The following PTH2R variants were observed in gnomAD, a reference collection of about 807,000 sequenced individuals.
PTH2R encodes parathyroid hormone 2 receptor, also known as PTH2 receptor.
PTH2R carries 59 observed loss-of-function variants against 60.3 expected under a neutral mutation model. The ratio of observed to expected loss-of-function variants is 0.98; its 90% CI spans 0.79 to 1.22. PTH2R has a LOEUF of 1.22. PTH2R is among the 50% of genes most tolerant of loss of function. The probability of loss-of-function intolerance (pLI) is 0.00; values close to 1 mark genes in which losing one functional copy is unlikely to be tolerated. For missense variants in PTH2R, 749 were observed against 682.6 expected (o/e 1.10, Z -1.08); for synonymous variants, 256 against 243.8 (o/e 1.05, Z -0.47).
At chr2:208,396,727 C>T (rs1701216402) in intron 1 of PTH2R, among the ~76,000 whole-genome samples, 1 of 152,146 alleles carries the variant, frequency 6.6e-6, no homozygotes, top group African/African-American at 2.4e-5. Context: ...ATGAGTTCAA[C>T]CATTGTGGAA....
intron 4 of PTH2R, among the ~76,000 whole-genome samples, chr2:208,442,029 T>G (rs1702194803): frequency 6.6e-6 from 1 of 152,212 alleles, no homozygotes. Context: ...AAGTATATAC[T>G]GTAACATGTA....
chr2:208,457,912 G>A lies in PTH2R; in HGVS notation c.915-1983G>A, dbSNP rs141038636. Among the ~76,000 whole-genome samples the A allele has an allele frequency of 1.3e-3, 199 of 152,180 alleles. 1 individual carries two copies. The highest frequency in any genetic ancestry group is 4.5e-3 in the African/African-American group (188 of 41,544). On this transcript the variant is annotated intron_variant, in intron 8 of 12. Transcript: ENST00000272847. Reference sequence around the variant, plus strand: ...TTGCTCATTAATAAAAAGTAAGTTCGTGATAAGTTCATTATCTAGAATTAA... The same window carrying A: ...TTGCTCATTAATAAAAAGTAAGTTCATGATAAGTTCATTATCTAGAATTAA...
Position 208,384,954 on chromosome 2 carries a change from C to T in PTH2R, c.-259+24717C>T, listed in dbSNP as rs534571912. ...CATACACAACAAACTGATTCTGTTT[C>T]AATGCTTAGAATTAGAATAAAAAAG... On this transcript the variant is annotated intron_variant, in intron 1 of 12. Transcript: ENST00000617735. Among the ~76,000 whole-genome samples the T allele has an allele frequency of 1.4e-4, 21 of 152,264 alleles. No homozygotes were observed. The South Asian group carries it at 1.9e-3, about 14-fold the overall frequency.
At chr2:208,369,621 G>T (rs941447295) in intron 1 of PTH2R, among the ~76,000 whole-genome samples, 1 of 152,022 alleles carries the variant, frequency 6.6e-6, no homozygotes, top group Non-Finnish European at 1.5e-5. Flanking sequence ...GCCTCCCAAA[G>T]TGCTGGGATT....
intron 1 of PTH2R, among the ~76,000 whole-genome samples, chr2:208,423,771 T>C (rs1701802042): frequency 6.6e-6 from 1 of 152,192 alleles, no homozygotes; most frequent in Non-Finnish European, 1.5e-5. Context: ...TGCAGCTCTG[T>C]TTTTTTGATG....
chr2:208,378,402 G>A lies in PTH2R; in HGVS notation c.-259+18165G>A, dbSNP rs116482329. Among the ~76,000 whole-genome samples the A allele has an allele frequency of 3.9e-3, 595 of 152,176 alleles. 6 individuals are homozygous for A. Among genetic ancestry groups the A allele is most frequent in the African/African-American group, 0.013 (553 of 41,456 alleles). On this transcript the variant is annotated intron_variant, in intron 1 of 12. Transcript: ENST00000617735. ...GGGAGACTGTGGGGAGAGGGAGAGG[G>A]AGAGAAAAATGCCTCTTTCAATATG...
chr2:208,475,677 T>A (rs1702986062), intron 9 of PTH2R, among the ~76,000 whole-genome samples: 1 of 152,162 alleles, frequency 6.6e-6, no homozygotes, highest in Non-Finnish European at 1.5e-5. Context: ...ACTGACACCT[T>A]GTGGTTTGCA....
chr2:208,397,757 A>G (rs1355087543), intron 1 of PTH2R, among the ~76,000 whole-genome samples: 1 of 152,036 alleles, frequency 6.6e-6, no homozygotes, highest in Non-Finnish European at 1.5e-5. Context: ...TAATATGCAA[A>G]TGAAGGGCAC....
rs990700928 is a variant in PTH2R, at chr2:208,420,358, A to G, written c.76-7843A>G. 3.9e-5 allele frequency among the ~76,000 whole-genome samples: 6 copies of G among 152,128 alleles called. No homozygotes were observed. The East Asian group carries it at 7.7e-4, about 20-fold the overall frequency. On this transcript the variant is annotated intron_variant, in intron 1 of 12. Coordinates refer to ENST00000272847, the MANE Select transcript of PTH2R (RefSeq NM_005048.4). Reference sequence around the variant, plus strand: ...ATTTAGGACTTTTTCAATTTTGCCTATTTCTTCTCCATAGCAGTGGAAACA... The same window carrying G: ...ATTTAGGACTTTTTCAATTTTGCCTGTTTCTTCTCCATAGCAGTGGAAACA...
chr2:208,364,647 C>G (rs935794397), intron 1 of PTH2R, among the ~76,000 whole-genome samples: 6 of 152,026 alleles, frequency 3.9e-5, no homozygotes, highest in Non-Finnish European at 5.9e-5. Context: ...TTGTTTGACT[C>G]TTAGGGCCCT....
chr2:208,432,532 T>C lies in PTH2R; in HGVS notation c.178+4229T>C, dbSNP rs149466803. ...AAGTTCTCCAGAGGAACAGAACTAA[T>C]AGGATATAAGTATATGTGAAAGGGA... On this transcript the variant is annotated intron_variant, in intron 2 of 12. Coordinates refer to ENST00000272847, the MANE Select transcript of PTH2R (RefSeq NM_005048.4). 6.1e-3 allele frequency among the ~76,000 whole-genome samples: 934 copies of C among 152,272 alleles called. 7 individuals carry two copies. The highest frequency in any genetic ancestry group is 0.014 in the Admixed American group (207 of 15,290).
In PTH2R at chr2:208,489,142, T is replaced by C. The variant is rs748579229; in HGVS notation, c.1207T>C (p.Ser403Pro). 9.3e-6 allele frequency: 15 copies of C among 1,613,870 alleles called. No individual in the cohort carries two copies. The highest frequency in any genetic ancestry group is 1.3e-5 in the Non-Finnish European group (15 of 1,179,944). ...IRMHCELFFN[S>P]FQGFFVSIIY... ...CATGCACTGTGAGCTCTTCTTCAACTCCTTTCAGGTAAAGGGTGCTGCCTA... is the reference window on the plus strand; with the variant it reads ...CATGCACTGTGAGCTCTTCTTCAACCCCTTTCAGGTAAAGGGTGCTGCCTA... Residue 403 changes from serine to proline, a missense_variant, in exon 11 of 13, where the codon TCC (serine) becomes CCC (proline). Coordinates refer to ENST00000272847, the MANE Select transcript of PTH2R (RefSeq NM_005048.4).
At chr2:208,373,940 T>G (rs1700747850) in intron 1 of PTH2R, among the ~76,000 whole-genome samples, 1 of 152,118 alleles carries the variant, frequency 6.6e-6, no homozygotes, top group South Asian at 2.1e-4. Flanking sequence ...AGCTTTTTAC[T>G]TGAAAGCAAA....
chr2:208,480,030 T>C (rs1017607374), intron 9 of PTH2R, among the ~76,000 whole-genome samples: 1 of 152,152 alleles, frequency 6.6e-6, no homozygotes, highest in Non-Finnish European at 1.5e-5. Flanking sequence ...TTGTAGAAAG[T>C]TGTGATTGTT....
At chr2:208,471,695 C>T (rs943499062) in intron 9 of PTH2R, among the ~76,000 whole-genome samples, 1 of 152,226 alleles carries the variant, frequency 6.6e-6, no homozygotes, top group African/African-American at 2.4e-5. Context: ...TTGGAGCTGC[C>T]ACACAGAGTC....
At chr2:208,397,314 A>G (rs1701229154) in intron 1 of PTH2R, among the ~76,000 whole-genome samples, 1 of 152,108 alleles carries the variant, frequency 6.6e-6, no homozygotes, top group South Asian at 2.1e-4. Context: ...TTAAAAAAAA[A>G]AAGAGGCCAA....
At chr2:208,388,132 A>ACC (rs55810977) in intron 1 of PTH2R, among the ~76,000 whole-genome samples, 33,195 of 130,808 alleles carry the variant, frequency 0.25, 5,260 homozygotes, top group East Asian at 0.45. Context: ...ACATGGTGAA[A>ACC]CCCCCCCCCC....
At chr2:208,461,269 A>G (rs1192467171) in intron 9 of PTH2R, among the ~76,000 whole-genome samples, 2 of 152,122 alleles carry the variant, frequency 1.3e-5, no homozygotes, top group Non-Finnish European at 2.9e-5. Flanking sequence ...TGTAAATCAA[A>G]TGCTGCTACA....
intron 7 of PTH2R, among the ~76,000 whole-genome samples, chr2:208,447,967 A>C (rs1371107581): frequency 6.6e-6 from 1 of 152,094 alleles, no homozygotes; most frequent in Non-Finnish European, 1.5e-5. Flanking sequence ...AAATATGGTA[A>C]TTTGCTTCTA....
Sources: gnomAD v4.1 joint callset for allele counts (sites outside exome capture counted in the v4.1 genomes callset) on GRCh38, gnomAD v4.1.1 for gene constraint, MANE v1.5 for transcripts, NCBI Gene and HGNC (gene_info 2026-07-23, HGNC 2026-07-21) for gene names.